STXBP5L: variants seen among roughly 807,000 people sequenced by gnomAD.
STXBP5L encodes the protein syntaxin binding protein 5L.
In STXBP5L, 65 loss-of-function variants were observed where a neutral mutation model predicts 144.5. The ratio of observed to expected loss-of-function variants is 0.45; its 90% CI spans 0.37 to 0.55. STXBP5L has a LOEUF of 0.55. Among genes scored for constraint, STXBP5L ranks in the 20% least tolerant of loss-of-function variants. STXBP5L has a pLI of 0.00. For synonymous variants in STXBP5L, 505 were observed against 469.6 expected (o/e 1.08, Z -0.97); for missense variants, 1,298 against 1,405.5 (o/e 0.92, Z 1.22).
At chr3:121,094,798 A>T (rs991387933) in intron 5 of STXBP5L, among the ~76,000 whole-genome samples, 3 of 151,610 alleles carry the variant, frequency 2.0e-5, no homozygotes, top group African/African-American at 4.9e-5. Context: ...GTTATGTGTG[A>T]ATTTGAACCT....
At chr3:121,323,434 C>T (rs991802193) in intron 20 of STXBP5L, among the ~76,000 whole-genome samples, 4 of 152,060 alleles carry the variant, frequency 2.6e-5, no homozygotes, top group African/African-American at 7.2e-5. Flanking sequence ...CAGTGAACTA[C>T]AGATAAAATA....
intron 19 of STXBP5L, among the ~76,000 whole-genome samples, chr3:121,295,890 TGTATATTGG>T (rs2051631415): frequency 2.0e-5 from 3 of 152,198 alleles, no homozygotes; most frequent in Non-Finnish European, 4.4e-5. Flanking sequence ...TGGAAATATT[TGTATATTGG>T]GTATAAGTCT....
chr3:120,911,949 C>T (rs992144201), intron 2 of STXBP5L, among the ~76,000 whole-genome samples: 1 of 151,910 alleles, frequency 6.6e-6, no homozygotes, highest in Non-Finnish European at 1.5e-5. Flanking sequence ...AAAAAAATTT[C>T]TCTTCTGAGT....
chr3:121,330,932 G>A, intron 20 of STXBP5L, among the ~76,000 whole-genome samples: 1 of 152,210 alleles, frequency 6.6e-6, no homozygotes, highest in East Asian at 1.9e-4. Context: ...CACCATCAGA[G>A]CTGGTGCTAA....
At position 121,418,395 on chromosome 3, in the gene STXBP5L, A is replaced by G. The variant is rs767070125; in HGVS notation, c.3285A>G (p.Pro1095=). 72 of 1,613,952 alleles carry G rather than the reference A, an allele frequency of 4.5e-5. No individual in the cohort carries two copies. Among genetic ancestry groups the G allele is most frequent in the Admixed American group, 2.7e-4 (16 of 59,986 alleles). ...SRSLAQHIPG[P]GSIEGMKGAA... The stretch of plus-strand genomic sequence containing the variant: ...GCCTTGCGCAACACATTCCTGGACC[A>G]GGTAGTATAGAAGGGATGAAAGGCG... The change falls in exon 26 of 27, where the codon CCA becomes CCG. Residue 1095 remains proline (P), a synonymous_variant. Coordinates refer to ENST00000471454, the MANE Select transcript of STXBP5L (RefSeq NM_001308330.2).
At chr3:121,038,162 A>C (rs1356702469) in intron 3 of STXBP5L, among the ~76,000 whole-genome samples, 1 of 151,454 alleles carries the variant, frequency 6.6e-6, no homozygotes, top group Non-Finnish European at 1.5e-5. Context: ...CATCTTTATT[A>C]TTGTTCTCCT....
chr3:121,029,744 A>C (rs1409394939), intron 3 of STXBP5L, among the ~76,000 whole-genome samples: 1 of 152,174 alleles, frequency 6.6e-6, no homozygotes, highest in Non-Finnish European at 1.5e-5. Flanking sequence ...GTGAACAGGT[A>C]AGCTACAGAA....
chr3:120,996,927 T>C (rs957989088), intron 3 of STXBP5L, among the ~76,000 whole-genome samples: 1 of 152,250 alleles, frequency 6.6e-6, no homozygotes, highest in Non-Finnish European at 1.5e-5. Flanking sequence ...TAGTAGTCAA[T>C]AGTTTTTCAA....
chr3:121,355,884 C>T (rs2045492546), intron 20 of STXBP5L, among the ~76,000 whole-genome samples: 1 of 151,850 alleles, frequency 6.6e-6, no homozygotes, highest in Non-Finnish European at 1.5e-5. Context: ...TGTAGATGTT[C>T]TTATTGTTGA....
rs13085870 is a variant in STXBP5L at position 121,389,346 on chromosome 3, C to T, written c.2587+7814C>T. ...TTTTCAAAAAACCAGCTTCTGGATT[C>T]ATTGATTTTTTGAAAGGTTTTTTGT... On this transcript the variant is annotated intron_variant, in intron 22 of 26. Coordinates refer to ENST00000471454, the MANE Select transcript of STXBP5L (RefSeq NM_001308330.2). 3.6e-3 allele frequency among the ~76,000 whole-genome samples: 554 copies of T among 152,288 alleles called. 3 individuals are homozygous for T. The highest frequency in any genetic ancestry group is 5.6e-3 in the Non-Finnish European group (382 of 68,022).
chr3:121,186,813 A>G (rs1366770749), intron 9 of STXBP5L, among the ~76,000 whole-genome samples: 1 of 152,214 alleles, frequency 6.6e-6, no homozygotes. Flanking sequence ...ACATGAAAAA[A>G]TGCTCATCAT....
chr3:121,055,033 G>A (rs1262900703), intron 5 of STXBP5L, among the ~76,000 whole-genome samples: 1 of 152,128 alleles, frequency 6.6e-6, no homozygotes, highest in Non-Finnish European at 1.5e-5. Flanking sequence ...TCTCAACTGA[G>A]TTAGATTAAT....
At chr3:121,384,090 T>G (rs1202183032) in intron 22 of STXBP5L, among the ~76,000 whole-genome samples, 1 of 152,148 alleles carries the variant, frequency 6.6e-6, no homozygotes, top group Non-Finnish European at 1.5e-5. Context: ...CAGTCTACTT[T>G]GAAATTTATC....
chr3:121,167,842 A>G (rs1273359892), intron 9 of STXBP5L, among the ~76,000 whole-genome samples: 2 of 152,154 alleles, frequency 1.3e-5, no homozygotes, highest in African/African-American at 4.8e-5. Context: ...TAAGGGTCAG[A>G]TTGCCTCCTC....
At chr3:121,081,688 G>A (rs1174003033) in intron 5 of STXBP5L, among the ~76,000 whole-genome samples, 4 of 152,146 alleles carry the variant, frequency 2.6e-5, no homozygotes, top group South Asian at 4.1e-4. Context: ...CAGGCCAATA[G>A]GGGTGGTATT....
intron 11 of STXBP5L, among the ~76,000 whole-genome samples, chr3:121,225,499 G>A (rs1451370760): frequency 1.3e-5 from 2 of 152,000 alleles, no homozygotes; most frequent in African/African-American, 4.8e-5. Context: ...TCTTTCCCAG[G>A]AGCTGTACGG....
chr3:120,954,346 A>G (rs1254435980), intron 2 of STXBP5L, among the ~76,000 whole-genome samples: 2 of 152,168 alleles, frequency 1.3e-5, no homozygotes, highest in Middle Eastern at 6.8e-3. Flanking sequence ...TTACATCTTT[A>G]CTCAAAAAAG....
chr3:121,393,387 C>G (rs191738003), intron 22 of STXBP5L, among the ~76,000 whole-genome samples: 7 of 152,118 alleles, frequency 4.6e-5, no homozygotes, highest in Admixed American at 4.6e-4. Context: ...GTTGTTTATT[C>G]ACTCTGTTGT....
Position 121,415,943 on chromosome 3 carries a change from A to T in STXBP5L, c.3201A>T (p.Gly1067=). The change falls in exon 25 of 27, where the codon GGA becomes GGT. Residue 1067 remains glycine (G), a synonymous_variant. Coordinates refer to ENST00000471454, the MANE Select transcript of STXBP5L (RefSeq NM_001308330.2). ...GFLKGLFGGS[G]QTFDREELFG... is the part of the protein sequence containing the mutation. ...TCAAGGGACTGTTTGGTGGAAGCGG[A>T]CAAACATTTGACAGAGAAGAGCTCT... is the stretch of plus-strand genomic sequence containing the variant. 1 of 1,613,266 alleles carries T rather than the reference A, an allele frequency of 6.2e-7. No individual in the cohort carries two copies.
Sources: allele counts gnomAD v4.1 joint callset (sites outside exome capture counted in the v4.1 genomes callset), GRCh38; gene constraint gnomAD v4.1.1; transcripts MANE v1.5; gene names NCBI Gene and HGNC (gene_info 2026-07-23, HGNC 2026-07-21).